The following CSF2RA variants were observed in gnomAD, a reference collection of about 807,000 sequenced individuals.
The protein encoded by CSF2RA is colony stimulating factor 2 receptor subunit alpha.
CSF2RA carries 42 observed loss-of-function variants against 51.6 expected under a neutral mutation model. The observed-to-expected ratio is 0.81, with a 90% CI of 0.64 to 1.05. The LOEUF (loss-of-function observed/expected upper bound fraction) is 1.05, where lower values mean the gene tolerates loss of function less well. Among genes scored for constraint, CSF2RA ranks in the 50% least tolerant of loss-of-function variants. CSF2RA has a pLI of 0.00. For synonymous variants in CSF2RA, 222 were observed against 193.0 expected (o/e 1.15, Z -1.24); for missense variants, 530 against 501.1 (o/e 1.06, Z -0.55).
At chrX:1,285,635 CA>C in intron 3 of CSF2RA, 142 bp from the exon 4 acceptor site, 1 of 46,256 alleles carries the variant, frequency 2.2e-5, no homozygotes, top group Non-Finnish European at 2.7e-5. Flanking sequence ...GTGGAGCTTG[CA>C]GCTTGCAGTG....
intron 12 of CSF2RA, among the ~76,000 whole-genome samples, chrX:1,306,173 G>A (rs753424386): frequency 5.3e-5 from 8 of 151,882 alleles, no homozygotes; most frequent in African/African-American, 1.5e-4. Flanking sequence ...AGGAGAGAGA[G>A]AGGAATGTAG....
At chrX:1,314,906 C>T (rs1429431196), downstream of CSF2RA, among the ~76,000 whole-genome samples, 24 of 74,002 alleles carry the variant, frequency 3.2e-4, 2 homozygotes, top group Admixed American at 9.5e-4. Flanking sequence ...ACCTGCTCAA[C>T]CCCACTTCAC....
downstream of CSF2RA, among the ~76,000 whole-genome samples, chrX:1,314,422 C>CTTG (rs1352511489): frequency 2.9e-3 from 435 of 149,838 alleles, 3 homozygotes; most frequent in African/African-American, 0.011. Flanking sequence ...CCGTACTGCA[C>CTTG]CTGCCCAACC....
At chrX:1,283,417 T>C (rs1408155088) in intron 3 of CSF2RA, among the ~76,000 whole-genome samples, 2 of 148,448 alleles carry the variant, frequency 1.3e-5, no homozygotes, top group African/African-American at 2.5e-5. Flanking sequence ...TCCTTCCCTC[T>C]CTCTCTTTCT....
At chrX:1,272,766 T>A (rs1462731513) in intron 1 of CSF2RA, among the ~76,000 whole-genome samples, 3 of 150,546 alleles carry the variant, frequency 2.0e-5, no homozygotes, top group African/African-American at 7.3e-5. Context: ...GCTGGGATTA[T>A]ACGCATGAGC....
chrX:1,268,875 T>C lies in CSF2RA; in HGVS notation c.-95T>C. The C allele has an allele frequency of 2.2e-6, 1 of 453,788 alleles. No individual in the cohort carries two copies. Among genetic ancestry groups the C allele is most frequent in the Non-Finnish European group, 4.4e-6 (1 of 226,702 alleles). The allele number at this position is 453,788 out of a possible 1,614,324, so 28.1% of individuals were successfully genotyped here. A position where few individuals can be genotyped will look rare whatever the true frequency, so the allele number is the denominator to read the frequency against. Reference sequence around the variant, plus strand: ...GTGGAAGGAGAGGAAGCGGATGCCGTGGGGGTAAGCTAAGTTCTTTCCTTC... The same window carrying C: ...GTGGAAGGAGAGGAAGCGGATGCCGCGGGGGTAAGCTAAGTTCTTTCCTTC... On this transcript the variant is annotated 5_prime_UTR_variant, in exon 1 of 13. Transcript: ENST00000381529.
chrX:1,304,686 C>G (rs113196376), intron 11 of CSF2RA, among the ~76,000 whole-genome samples: 2,101 of 151,516 alleles, frequency 0.014, 47 homozygotes, highest in African/African-American at 0.046. Flanking sequence ...TGTTTTGAGA[C>G]AGACTTTTGC....
intron 12 of CSF2RA, among the ~76,000 whole-genome samples, chrX:1,308,562 G>A (rs1426010059): frequency 6.6e-6 from 1 of 152,030 alleles, no homozygotes; most frequent in Non-Finnish European, 1.5e-5. Flanking sequence ...TTCCTCCCAT[G>A]GGGAACTCCA....
chrX:1,286,025 C>T (rs2090607923), intron 4 of CSF2RA, 105 bp downstream of exon 4: 7 of 1,379,054 alleles, frequency 5.1e-6, no homozygotes, highest in Non-Finnish European at 7.2e-6. Flanking sequence ...GTCATCCCAG[C>T]ACTTTGGGAG....
chrX:1,313,801 T>C (rs1311507769), downstream of CSF2RA, among the ~76,000 whole-genome samples: 2 of 151,618 alleles, frequency 1.3e-5, no homozygotes, highest in African/African-American at 4.8e-5. Flanking sequence ...CCAGCCTGGC[T>C]AACATGGTGA....
intron 3 of CSF2RA, among the ~76,000 whole-genome samples, chrX:1,283,253 TTCCTTCCATCCTTCTCTCCC>T (rs2090261366): frequency 1.4e-5 from 2 of 143,010 alleles, no homozygotes; most frequent in African/African-American, 2.9e-5. Flanking sequence ...CCTTCTCTCC[TTCCTTCCATCCTTCTCTCCC>T]TCCTGATTCA....
chrX:1,276,082 C>G (rs1314744132), intron 2 of CSF2RA, among the ~76,000 whole-genome samples: 1 of 151,248 alleles, frequency 6.6e-6, no homozygotes, highest in Non-Finnish European at 1.5e-5. Flanking sequence ...CTCACTGCAA[C>G]CTCTGCCTCC....
chrX:1,282,756 T>C lies in CSF2RA; in HGVS notation c.53T>C (p.Phe18Ser). ...LLLCELPHPA[F>S]LLIPEKSDLR... ...CTCTGTGAGTTACCACACCCAGCAT[T>C]CCTCCTGATCCCAGAGAAATCGGGT... Residue 18 changes from phenylalanine (F) to serine (S), a missense_variant, in exon 3 of 13, where the codon TTC (phenylalanine) becomes TCC (serine). By Grantham distance (155) the Phe-to-Ser change is radical (BLOSUM62 -2). Transcript: ENST00000381529. 1.2e-6 allele frequency: 2 copies of C among 1,613,756 alleles called. No individual in the cohort carries two copies. The highest frequency in any genetic ancestry group is 1.7e-6 in the Non-Finnish European group (2 of 1,179,762).
the CSF2RA span, among the ~76,000 whole-genome samples, chrX:1,318,383 G>C: frequency 1.3e-5 from 2 of 151,240 alleles, no homozygotes; most frequent in Non-Finnish European, 2.9e-5. Context: ...GGCTGGTCTT[G>C]AACTTTCTAC....
Position 1,288,461 on chromosome X carries a change from G to A in CSF2RA, c.220-58G>A. The A allele has an allele frequency of 4.3e-6, 7 of 1,612,720 alleles. No homozygotes were observed. In the South Asian group the frequency reaches 5.5e-5, roughly 13 times the overall value. On this transcript the variant is annotated intron_variant, in intron 4 of 12. Coordinates refer to ENST00000381529, the MANE Select transcript of CSF2RA (RefSeq NM_172245.4). The stretch of plus-strand genomic sequence containing the variant: ...CACGCCACTGCACTCCAGCCTGGGA[G>A]ACTGTAGGAGACAGAAGGTTGTTTC...
chrX:1,314,278 ACC>A (rs1430447295), downstream of CSF2RA, among the ~76,000 whole-genome samples: 624 of 79,788 alleles, frequency 7.8e-3, 128 homozygotes, highest in East Asian at 0.062. Flanking sequence ...CGCCTGCCCA[ACC>A]CCACTGCATC....
chrX:1,322,409 GC>G, the CSF2RA span, among the ~76,000 whole-genome samples: 1 of 146,846 alleles, frequency 6.8e-6, no homozygotes, highest in South Asian at 2.1e-4. Flanking sequence ...AGCACACCTG[GC>G]CCACTTACCA....
chrX:1,314,325 C>A (rs1441351562), downstream of CSF2RA, among the ~76,000 whole-genome samples: 1 of 133,082 alleles, frequency 7.5e-6, no homozygotes, highest in African/African-American at 2.9e-5. Flanking sequence ...AACCACACTG[C>A]ACCTGCCCAA....
At chrX:1,306,381 TCA>T (rs1325372881) in intron 12 of CSF2RA, among the ~76,000 whole-genome samples, 2 of 151,776 alleles carry the variant, frequency 1.3e-5, no homozygotes, top group Non-Finnish European at 2.9e-5. Flanking sequence ...TCGCGGTGAC[TCA>T]CATCTGTCAT....
Sources: gnomAD v4.1 joint callset for allele counts (sites outside exome capture counted in the v4.1 genomes callset) on GRCh38, gnomAD v4.1.1 for gene constraint, MANE v1.5 for transcripts, NCBI Gene and HGNC (gene_info 2026-07-23, HGNC 2026-07-21) for gene names.